The following TAF5 variants were observed in gnomAD, a reference collection of about 807,000 sequenced individuals.
TAF5 encodes the protein transcription initiation factor TFIID subunit 5.
TAF5 carries 20 observed loss-of-function variants against 80.9 expected under a neutral mutation model. That is an observed-to-expected ratio of 0.25 (90% CI 0.17 to 0.36). The LOEUF (loss-of-function observed/expected upper bound fraction) is 0.36. TAF5 is among the 10% of genes least tolerant of loss of function. The pLI is 1.00. For missense variants in TAF5, 863 were observed against 1,029.4 expected (o/e 0.84, Z 2.21); for synonymous variants, 388 against 406.4 (o/e 0.95, Z 0.55).
At chr10:103,386,811 G>GC in intron 8 of TAF5, among the ~76,000 whole-genome samples, 1 of 152,072 alleles carries the variant, frequency 6.6e-6, no homozygotes, top group Admixed American at 6.5e-5. Context: ...TTACAGGCGT[G>GC]CGCCACCATG....
chr10:103,387,438 G>C, intron 9 of TAF5, 83 bp from the exon 10 acceptor site: 1 of 1,547,146 alleles, frequency 6.5e-7, no homozygotes, highest in Non-Finnish European at 8.7e-7. Flanking sequence ...AAATTTTAAA[G>C]ATACCATTCT....
At position 103,388,087 on chromosome 10, in the gene TAF5, C is replaced by G; in HGVS notation, c.2267C>G (p.Thr756Ser). 1 of 1,614,094 alleles carries G rather than the reference C, an allele frequency of 6.2e-7. No individual in the cohort carries two copies. The highest frequency in any genetic ancestry group is 8.5e-7 in the Non-Finnish European group (1 of 1,179,964). Residue 756 changes from threonine (T) to serine (S), a missense_variant, in exon 11 of 11, where the codon ACT (threonine) becomes AGT (serine). Physicochemically the swap from Thr to Ser is moderately conservative, Grantham distance 58. Around this residue, in one of 3 missense-constraint regions of TAF5, gnomAD observed 368 missense variants for 461.7 expected, o/e 0.80. Transcript: ENST00000369839. Reference sequence around the variant, plus strand: ...GAGACCGATGACTTTACTACAGCCACTGGGCATATAAATTTACCTGAGAAT... The same window carrying G: ...GAGACCGATGACTTTACTACAGCCAGTGGGCATATAAATTTACCTGAGAAT... ...DLETDDFTTATGHINLPENSQ... is the reference protein window; with the variant it reads ...DLETDDFTTASGHINLPENSQ...
chr10:103,374,417 TC>T lies in TAF5; in HGVS notation c.797+824del. Among the ~76,000 whole-genome samples, 1 of 152,344 alleles carries T rather than the reference TC, an allele frequency of 6.6e-6. No homozygotes were observed. Among genetic ancestry groups the T allele is most frequent in the South Asian group, 2.1e-4 (1 of 4,832 alleles). On this transcript the variant is annotated intron_variant, in intron 2 of 10. Coordinates refer to ENST00000369839, the MANE Select transcript of TAF5 (RefSeq NM_006951.5). The surrounding 1 kb of genome is among the most constrained non-coding windows in gnomAD (Gnocchi z 4.3). ...TCCACCTTGTGGCATAAGATGGTTT[TC>T]CTGCTCTAAGCAGTCACATCAGTGT... is the stretch of plus-strand genomic sequence containing the variant.
chr10:103,387,268 T>C lies in TAF5; in HGVS notation c.1923T>C (p.Tyr641=), dbSNP rs754247264. The C allele has an allele frequency of 2.5e-6, 4 of 1,614,100 alleles. No homozygotes were observed. The highest frequency in any genetic ancestry group is 2.7e-5 in the African/African-American group (2 of 74,930). ...NCTRFHPNSN[Y]VATGSADRTV... ...CCAGATTCCATCCAAATTCTAATTA[T>C]GTTGCTACGGGCTCTGCAGACAGAA... The change falls in exon 9 of 11, where the codon TAT becomes TAC. Residue 641 remains tyrosine, a synonymous_variant. Coordinates refer to ENST00000369839, the MANE Select transcript of TAF5 (RefSeq NM_006951.5).
Position 103,388,144 on chromosome 10 carries a change from C to G in TAF5, c.2324C>G (p.Thr775Ser). The change falls in exon 11 of 11, where the codon ACC (threonine) becomes AGC (serine). Residue 775 changes from threonine to serine, a missense_variant. Physicochemically the swap from Thr to Ser is moderately conservative, Grantham distance 58 (BLOSUM62 1). Transcript: ENST00000369839. ...GAGTTATTGTTGGGAACATATATGACCAAATCAACACCAGTTGTACACCTT... is the reference window on the plus strand; with the variant it reads ...GAGTTATTGTTGGGAACATATATGAGCAAATCAACACCAGTTGTACACCTT... ...SQELLLGTYM[T>S]KSTPVVHLHF... 1 of 1,614,030 alleles carries G rather than the reference C, an allele frequency of 6.2e-7. No individual in the cohort carries two copies. The highest frequency in any genetic ancestry group is 8.5e-7 in the Non-Finnish European group (1 of 1,179,976).
chr10:103,372,475 C>T (rs1260560274), intron 1 of TAF5, among the ~76,000 whole-genome samples: 3 of 151,112 alleles, frequency 2.0e-5, no homozygotes, highest in African/African-American at 7.3e-5. Flanking sequence ...GCTGGGACTA[C>T]AGGCGCCCAC....
chr10:103,374,648 A>T lies in TAF5; in HGVS notation c.797+1053A>T, dbSNP rs1040414754. ...GGGGAGAGCGAAGCCTTTTTGCTAC[A>T]GAGTCATTTCTGCTACAGAGTCATT... On this transcript the variant is annotated intron_variant, in intron 2 of 10. Coordinates refer to ENST00000369839, the MANE Select transcript of TAF5 (RefSeq NM_006951.5). The surrounding 1 kb of genome is among the most constrained non-coding windows in gnomAD (Gnocchi z 4.3). Among the ~76,000 whole-genome samples the T allele has an allele frequency of 6.6e-6, 1 of 152,228 alleles. No individual in the cohort carries two copies. Among genetic ancestry groups the T allele is most frequent in the Non-Finnish European group, 1.5e-5 (1 of 68,042 alleles).
In TAF5 at chr10:103,388,133, A is replaced by G. The variant is rs1486676472; in HGVS notation, c.2313A>G (p.Gly771=). 1 of 1,614,096 alleles carries G rather than the reference A, an allele frequency of 6.2e-7. No homozygotes were observed. The highest frequency in any genetic ancestry group is 8.5e-7 in the Non-Finnish European group (1 of 1,179,980). Residue 771 remains glycine (G), a synonymous_variant, in exon 11 of 11, where the codon GGA becomes GGG. Transcript: ENST00000369839. ...LPENSQELLL[G]TYMTKSTPVV... ...AGAATTCACAGGAGTTATTGTTGGG[A>G]ACATATATGACCAAATCAACACCAG...
At chr10:103,380,266 CTACAGGCGCA>C (rs1269963041) in intron 5 of TAF5, among the ~76,000 whole-genome samples, 1 of 152,032 alleles carries the variant, frequency 6.6e-6, no homozygotes, top group Non-Finnish European at 1.5e-5. Flanking sequence ...GCAGCTGGGA[CTACAGGCGCA>C]TACCGCCATG....
chr10:103,379,358 T>C (rs1372581127), intron 3 of TAF5, among the ~76,000 whole-genome samples: 1 of 152,224 alleles, frequency 6.6e-6, no homozygotes, highest in African/African-American at 2.4e-5. Context: ...CCAGTATACT[T>C]ATATGGACAT....
intron 8 of TAF5, 81 bp downstream of exon 8, chr10:103,385,571 T>C: frequency 7.0e-7 from 1 of 1,437,698 alleles, no homozygotes; most frequent in Non-Finnish European, 9.5e-7. Context: ...GCCAGCCAAA[T>C]TCATTTACAC....
chr10:103,382,077 A>T (rs1332380128), intron 6 of TAF5, among the ~76,000 whole-genome samples: 1 of 152,238 alleles, frequency 6.6e-6, no homozygotes, highest in Non-Finnish European at 1.5e-5. Context: ...TATTAAGCTA[A>T]AAAACTTAAA....
At chr10:103,385,217 A>G (rs2093393024) in intron 7 of TAF5, 109 bp from the exon 8 acceptor site, 1 of 814,744 alleles carries the variant, frequency 1.2e-6, no homozygotes, top group South Asian at 2.1e-5. Context: ...GGTATATTTA[A>G]TATAGTCAAA....
In TAF5 at chr10:103,379,647, C is replaced by T. The variant is rs2093377621; in HGVS notation, c.1153C>T (p.Pro385Ser). 22 of 1,598,804 alleles carry T rather than the reference C, an allele frequency of 1.4e-5. No individual in the cohort carries two copies. Among genetic ancestry groups the T allele is most frequent in the Non-Finnish European group, 1.8e-5 (21 of 1,176,156 alleles). ...ATTAAAAGAACCAGAAATTGAGGTA[C>T]CTTTGGATGACGAGGATGAAGAGGG... ...GLLKEPEIEV[P>S]LDDEDEEGEN... The change falls in exon 4 of 11, where the codon CCT (proline) becomes TCT (serine). Residue 385 changes from proline (P) to serine (S), a missense_variant. Physicochemically the swap from Pro to Ser is moderately conservative, Grantham distance 74. Transcript: ENST00000369839.
Position 103,388,066 on chromosome 10 carries a change from C to T in TAF5, c.2246C>T (p.Thr749Ile), listed in dbSNP as rs2093401883. 1 of 1,614,048 alleles carries T rather than the reference C, an allele frequency of 6.2e-7. No individual in the cohort carries two copies. ...ATCAAAGCCTTTGAAGATTTAGAGA[C>T]CGATGACTTTACTACAGCCACTGGG... is the stretch of plus-strand genomic sequence containing the variant. ...DAIKAFEDLE[T>I]DDFTTATGHI... The change falls in exon 11 of 11, where the codon ACC becomes ATC. Residue 749 changes from threonine (T) to isoleucine (I), a missense_variant. Physicochemically the swap from Thr to Ile is moderately conservative, Grantham distance 89. Around this residue, in one of 3 missense-constraint regions of TAF5, gnomAD observed 368 missense variants for 461.7 expected, o/e 0.80. Coordinates refer to ENST00000369839, the MANE Select transcript of TAF5 (RefSeq NM_006951.5).
rs764534602 is a variant in TAF5 at position 103,379,833 on chromosome 10, C to A, written c.1278-51C>A. 3.1e-6 allele frequency: 5 copies of A among 1,602,518 alleles called. No homozygotes were observed. In the South Asian group the frequency reaches 4.5e-5, roughly 14 times the overall value. On this transcript the variant is annotated intron_variant, in intron 4 of 10. Coordinates refer to ENST00000369839, the MANE Select transcript of TAF5 (RefSeq NM_006951.5). ...ATAAGACAACATGTTATATAGAGTT[C>A]AAGTTTGTTAATAGTCAAAAGGTAA... is the stretch of plus-strand genomic sequence containing the variant.
intron 1 of TAF5, among the ~76,000 whole-genome samples, chr10:103,371,804 T>C (rs2093360056): frequency 6.6e-6 from 1 of 152,210 alleles, no homozygotes; most frequent in African/African-American, 2.4e-5. Flanking sequence ...CTGCAGTGCA[T>C]GGCTTGGTCG....
At position 103,373,735 on chromosome 10, in the gene TAF5, A is replaced by C. The variant is rs957039858; in HGVS notation, c.797+140A>C. On this transcript the variant is annotated intron_variant, in intron 2 of 10. Coordinates refer to ENST00000369839, the MANE Select transcript of TAF5 (RefSeq NM_006951.5). ...TTGTGAAGGAGAGGTACCTGAGGCT[A>C]TGAGAACTTAAAATGTGGGGTTTGA... 1.2e-5 allele frequency: 8 copies of C among 654,792 alleles called. No individual in the cohort carries two copies. The Admixed American group carries it at 2.5e-4, about 21-fold the overall frequency. The allele number at this position is 654,792 out of a possible 1,614,324, so 40.6% of individuals were successfully genotyped here.
intron 5 of TAF5, among the ~76,000 whole-genome samples, chr10:103,380,426 C>T (rs1592093918): frequency 6.6e-6 from 1 of 152,122 alleles, no homozygotes; most frequent in East Asian, 1.9e-4. Flanking sequence ...CCGCATGTGG[C>T]CCCTAAACTC....
Sources: allele counts gnomAD v4.1 joint callset (sites outside exome capture counted in the v4.1 genomes callset), GRCh38; gene constraint gnomAD v4.1.1; regional missense constraint gnomAD v4.1.1; non-coding constraint Gnocchi (gnomAD v3.1); transcripts MANE v1.5; gene names NCBI Gene and HGNC (gene_info 2026-07-23, HGNC 2026-07-21).